The following PAN3 variants were observed in gnomAD, a reference collection of about 807,000 sequenced individuals.
PAN3 encodes PAN2-PAN3 deadenylation complex subunit PAN3.
A neutral mutation model predicts 96.2 loss-of-function variants in PAN3; 19 were observed. The observed-to-expected ratio is 0.20, with a 90% confidence interval of 0.14 to 0.29. The LOEUF (loss-of-function observed/expected upper bound fraction) is 0.29. Among genes scored for constraint, PAN3 ranks in the 10% least tolerant of loss-of-function variants. The pLI, the probability that PAN3 is intolerant of heterozygous loss-of-function variation, is 1.00. For synonymous variants in PAN3, 433 were observed against 406.6 expected, an observed-to-expected ratio of 1.06 and a Z score of -0.78; for missense variants, 882 against 1,108.1, an observed-to-expected ratio of 0.80 and a Z score of 2.90.
chr13:28,174,459 C>T, intron 2 of PAN3, 66 bp downstream of exon 2: 1 of 1,506,820 alleles, frequency 6.6e-7, no homozygotes, highest in Non-Finnish European at 9.0e-7. Flanking sequence ...CATATAGAGT[C>T]TTCATTTATT....
Position 28,260,431 on chromosome 13 carries a change from C to A in PAN3, c.1249-16C>A, listed in dbSNP as rs766970234. The A allele has an allele frequency of 1.3e-6, 2 of 1,565,652 alleles. No individual in the cohort carries two copies. The highest frequency in any genetic ancestry group is 4.5e-5 in the East Asian group (2 of 44,468). On this transcript the variant is annotated splice_polypyrimidine_tract_variant and intron_variant, in intron 7 of 18. Coordinates refer to ENST00000380958, the MANE Select transcript of PAN3 (RefSeq NM_175854.8). ...AAAAATGAGTGATTACATTTACCCCCTTCCTACCTTTTTAGGTGTTTCCAA... is the reference window on the plus strand; with the variant it reads ...AAAAATGAGTGATTACATTTACCCCATTCCTACCTTTTTAGGTGTTTCCAA...
At chr13:28,144,211 GTTTTTTTTTTT>G (rs972669575) in intron 1 of PAN3, among the ~76,000 whole-genome samples, 1 of 101,530 alleles carries the variant, frequency 9.8e-6, no homozygotes, top group African/African-American at 3.7e-5. Context: ...AAGTTTTTTT[GTTTTTTTTTTT>G]TTTTTTTTTT....
intron 1 of PAN3, among the ~76,000 whole-genome samples, chr13:28,167,695 T>A (rs868565483): frequency 5.0e-4 from 68 of 136,248 alleles, no homozygotes; most frequent in African/African-American, 1.8e-3. Flanking sequence ...AAAAAAAAAA[T>A]TAGCTGGGTG....
chr13:28,183,362 T>A (rs188214847), intron 4 of PAN3, among the ~76,000 whole-genome samples: 20 of 152,340 alleles, frequency 1.3e-4, no homozygotes, highest in Non-Finnish European at 2.5e-4. Context: ...CACTAATGTT[T>A]CTGGAAAATT....
chr13:28,183,038 AAG>A (rs1428135133), intron 4 of PAN3, among the ~76,000 whole-genome samples: 1 of 152,200 alleles, frequency 6.6e-6, no homozygotes, highest in East Asian at 1.9e-4. Context: ...TCTATGGAAA[AAG>A]ATAAAGTAAA....
chr13:28,222,742 G>A (rs776404500), intron 6 of PAN3, among the ~76,000 whole-genome samples: 3 of 152,038 alleles, frequency 2.0e-5, no homozygotes, highest in Non-Finnish European at 4.4e-5. Context: ...ATTTACCTAC[G>A]GTAGTGGTGA....
intron 1 of PAN3, among the ~76,000 whole-genome samples, chr13:28,144,211 GTTTTTTTT>G (rs972669575): frequency 2.0e-5 from 2 of 101,558 alleles, no homozygotes; most frequent in Middle Eastern, 6.4e-3. Flanking sequence ...AAGTTTTTTT[GTTTTTTTT>G]TTTTTTTTTT....
intron 5 of PAN3, among the ~76,000 whole-genome samples, chr13:28,201,097 A>G (rs113316817): frequency 0.011 from 1,649 of 151,910 alleles, 23 homozygotes; most frequent in African/African-American, 0.038. Flanking sequence ...CAGTAATGCA[A>G]TCATGGCTCA....
intron 8 of PAN3, among the ~76,000 whole-genome samples, 170 bp downstream of exon 8, chr13:28,260,721 T>A (rs1340795475): frequency 1.3e-5 from 2 of 149,832 alleles, no homozygotes; most frequent in African/African-American, 2.4e-5. Flanking sequence ...ACCTGTCTTT[T>A]AAAAAAATTT....
chr13:28,272,572 CT>C (rs1320004749), intron 14 of PAN3, among the ~76,000 whole-genome samples: 344 of 142,942 alleles, frequency 2.4e-3, no homozygotes, highest in Middle Eastern at 3.6e-3. Context: ...GTCAGAGACT[CT>C]TTTTTTTTTT....
chr13:28,220,794 A>G lies in PAN3; in HGVS notation c.1000+416A>G, dbSNP rs1298482880. On this transcript the variant is annotated intron_variant, in intron 6 of 18. Coordinates refer to ENST00000380958, the MANE Select transcript of PAN3 (RefSeq NM_175854.8). ...TTCTAAAAAATAATTTAATCATTCTACATCTTTAGATGGTATTCCCTTTCA... is the reference window on the plus strand; with the variant it reads ...TTCTAAAAAATAATTTAATCATTCTGCATCTTTAGATGGTATTCCCTTTCA... 2.0e-5 allele frequency among the ~76,000 whole-genome samples: 3 copies of G among 152,194 alleles called. No individual in the cohort carries two copies. In the East Asian group the frequency reaches 5.8e-4, roughly 29 times the overall value.
intron 17 of PAN3, among the ~76,000 whole-genome samples, chr13:28,281,591 T>TA (rs1264475364): frequency 3.3e-5 from 5 of 151,988 alleles, no homozygotes; most frequent in Non-Finnish European, 5.9e-5. Flanking sequence ...ACACAGAAAA[T>TA]ATGGTGTGTT....
chr13:28,280,280 C>A, intron 15 of PAN3, 132 bp from the exon 16 acceptor site: 2 of 1,082,410 alleles, frequency 1.8e-6, no homozygotes, highest in South Asian at 1.8e-5. Flanking sequence ...ATGAACTTGA[C>A]TTGCATGAAT....
intron 6 of PAN3, among the ~76,000 whole-genome samples, chr13:28,227,623 G>T (rs1340799798): frequency 1.3e-5 from 2 of 152,172 alleles, no homozygotes; most frequent in African/African-American, 4.8e-5. Flanking sequence ...AATAGTAGAT[G>T]ATTTTAAGTC....
chr13:28,142,524 T>TC (rs1869996451), intron 1 of PAN3, among the ~76,000 whole-genome samples: 1 of 150,894 alleles, frequency 6.6e-6, no homozygotes. Flanking sequence ...TTTTTTTTTT[T>TC]TTTTTTGAGA....
At chr13:28,199,685 G>A (rs1878472550) in intron 5 of PAN3, among the ~76,000 whole-genome samples, 1 of 151,936 alleles carries the variant, frequency 6.6e-6, no homozygotes, top group Non-Finnish European at 1.5e-5. Context: ...TTGTATTGGA[G>A]TTTTTATCTT....
At chr13:28,247,757 G>A (rs1200007717) in intron 6 of PAN3, among the ~76,000 whole-genome samples, 6 of 152,132 alleles carry the variant, frequency 3.9e-5, no homozygotes, top group Admixed American at 3.9e-4. Flanking sequence ...TTTATTTCAA[G>A]TTCTGTGTTC....
chr13:28,201,764 T>C (rs1421637110), intron 5 of PAN3, among the ~76,000 whole-genome samples: 1 of 152,150 alleles, frequency 6.6e-6, no homozygotes, highest in East Asian at 1.9e-4. Flanking sequence ...CTTGGTTCAC[T>C]TGTTCTTTGC....
intron 5 of PAN3, chr13:28,215,048 T>A: frequency 9.0e-7 from 1 of 1,108,968 alleles, no homozygotes; most frequent in Non-Finnish European, 1.4e-6. Flanking sequence ...GCACTTATAT[T>A]AATAAAATTG....
Sources: gnomAD v4.1 joint callset for allele counts (sites outside exome capture counted in the v4.1 genomes callset) on GRCh38, gnomAD v4.1.1 for gene constraint, MANE v1.5 for transcripts, NCBI Gene and HGNC (gene_info 2026-07-23, HGNC 2026-07-21) for gene names.